CADPS2: variants seen among roughly 807,000 people sequenced by gnomAD.
The protein encoded by CADPS2 is calcium dependent secretion activator 2, also known as calcium-dependent secretion activator 2.
Under a neutral mutation model 172.5 loss-of-function variants are expected in CADPS2, and 93 were observed. The observed-to-expected ratio is 0.54, with a 90% confidence interval of 0.46 to 0.64. CADPS2 has a LOEUF of 0.64. Ranked by LOEUF, CADPS2 falls within the 30% of genes least tolerant of loss-of-function variation. The pLI, the probability that CADPS2 is intolerant of heterozygous loss-of-function variation, is 0.00. For missense variants in CADPS2, 1,420 were observed against 1,565.9 expected (o/e 0.91, Z 1.57); for synonymous variants, 546 against 555.2 (o/e 0.98, Z 0.23).
At chr7:122,414,169 T>C in intron 18 of CADPS2, 93 bp from the exon 19 acceptor site, 1 of 778,528 alleles carries the variant, frequency 1.3e-6, no homozygotes, top group Non-Finnish European at 1.9e-6. Flanking sequence ...ATAATAGTCC[T>C]ATATTTCAGT....
At chr7:122,711,619 T>C (rs1399984075) in intron 2 of CADPS2, among the ~76,000 whole-genome samples, 2 of 152,222 alleles carry the variant, frequency 1.3e-5, no homozygotes, top group East Asian at 3.9e-4. Flanking sequence ...CAAAGTGAGT[T>C]CTTTTTCCTA....
chr7:122,631,906 T>C (rs1490249145), intron 3 of CADPS2, among the ~76,000 whole-genome samples: 7 of 152,146 alleles, frequency 4.6e-5, no homozygotes, highest in Admixed American at 4.6e-4. Context: ...GTATATTCAA[T>C]GTTTAGCTTT....
chr7:122,792,056 A>G (rs78987519), intron 1 of CADPS2, among the ~76,000 whole-genome samples: 1,939 of 152,270 alleles, frequency 0.013, 25 homozygotes, highest in East Asian at 0.06. Context: ...TCAAAGGCAA[A>G]CTCAGTATTG....
chr7:122,423,003 C>A (rs1321327810), intron 17 of CADPS2, among the ~76,000 whole-genome samples: 2 of 151,996 alleles, frequency 1.3e-5, no homozygotes, highest in Non-Finnish European at 2.9e-5. Context: ...AACCATAAGT[C>A]CCTTTAGTCT....
chr7:122,598,827 T>C lies in CADPS2; in HGVS notation c.1223+16354A>G, dbSNP rs151068343. On this transcript the variant is annotated intron_variant, in intron 6 of 29. Coordinates refer to ENST00000449022, the MANE Select transcript of CADPS2 (RefSeq NM_017954.11). ...ACAGAACCAGATACTGAGGATACGA[T>C]GTTGAATAAGACCTGCCTTCTGTCT... Among the ~76,000 whole-genome samples the C allele has an allele frequency of 8.7e-4, 132 of 152,198 alleles. 1 individual carries two copies. The East Asian group carries it at 9.5e-3, about 11-fold the overall frequency.
intron 9 of CADPS2, among the ~76,000 whole-genome samples, chr7:122,505,149 T>C (rs2059517653): frequency 6.6e-6 from 1 of 152,106 alleles, no homozygotes; most frequent in Non-Finnish European, 1.5e-5. Context: ...TGTTAAAGAG[T>C]ACAGACTTGA....
At chr7:122,344,067 T>C (rs993266621) in intron 28 of CADPS2, among the ~76,000 whole-genome samples, 7 of 152,122 alleles carry the variant, frequency 4.6e-5, no homozygotes, top group African/African-American at 9.7e-5. Flanking sequence ...AAAGATAAAA[T>C]TCATTTTGAC....
chr7:122,440,111 A>G (rs1390935259), intron 16 of CADPS2: 1 of 152,190 alleles, frequency 6.6e-6, no homozygotes, highest in African/African-American at 2.4e-5. Flanking sequence ...GTAAGTAAAG[A>G]GAAATAAAAA....
chr7:122,457,064 A>T (rs2053872292), intron 14 of CADPS2, among the ~76,000 whole-genome samples: 2 of 152,210 alleles, frequency 1.3e-5, no homozygotes, highest in African/African-American at 2.4e-5. Flanking sequence ...AGGAGTAAAC[A>T]GCATTACTCA....
At chr7:122,560,966 C>T (rs1362931834) in intron 7 of CADPS2, among the ~76,000 whole-genome samples, 1 of 152,098 alleles carries the variant, frequency 6.6e-6, no homozygotes, top group Non-Finnish European at 1.5e-5. Context: ...GAAGATGGAT[C>T]AGATGATTTG....
At chr7:122,690,611 G>A (rs899423642) in intron 2 of CADPS2, among the ~76,000 whole-genome samples, 6 of 152,188 alleles carry the variant, frequency 3.9e-5, no homozygotes, top group African/African-American at 4.8e-5. Context: ...TCTCATCCTC[G>A]TAACTGGTTG....
intron 4 of CADPS2, among the ~76,000 whole-genome samples, chr7:122,627,219 T>C (rs940099677): frequency 1.3e-5 from 2 of 152,224 alleles, no homozygotes; most frequent in Admixed American, 6.5e-5. Flanking sequence ...TTCTATAAAA[T>C]TGACTTCATG....
chr7:122,455,810 G>A (rs1432906571), intron 14 of CADPS2, among the ~76,000 whole-genome samples: 3 of 152,044 alleles, frequency 2.0e-5, no homozygotes, highest in South Asian at 2.1e-4. Context: ...GGGTTCAAGC[G>A]ATTCTCCTGC....
At chr7:122,326,874 A>T (rs2033977499) in intron 28 of CADPS2, among the ~76,000 whole-genome samples, 1 of 152,028 alleles carries the variant, frequency 6.6e-6, no homozygotes, top group African/African-American at 2.4e-5. Flanking sequence ...ATTTCCATTA[A>T]TTTGTTAGTA....
At chr7:122,489,180 C>T (rs35500917) in intron 11 of CADPS2, among the ~76,000 whole-genome samples, 48,214 of 151,920 alleles carry the variant, frequency 0.32, 7,927 homozygotes, top group Admixed American at 0.37. Flanking sequence ...AAATAAAAAG[C>T]TCATGGTTCA....
At chr7:122,681,200 G>A in intron 2 of CADPS2, 1 of 635,206 alleles carries the variant, frequency 1.6e-6, no homozygotes, top group South Asian at 1.7e-5. Flanking sequence ...AGTGGGTGCA[G>A]TGCACCAGCA....
intron 9 of CADPS2, among the ~76,000 whole-genome samples, chr7:122,491,910 C>T (rs28416120): frequency 3.3e-5 from 5 of 152,136 alleles, no homozygotes; most frequent in Non-Finnish European, 5.9e-5. Context: ...AAAGATCTCA[C>T]GCCTGTAATC....
At chr7:122,325,009 T>TGC (rs150563342) in intron 29 of CADPS2, among the ~76,000 whole-genome samples, 2 of 152,222 alleles carry the variant, frequency 1.3e-5, no homozygotes, top group Non-Finnish European at 2.9e-5. Context: ...ATAAGAGGCA[T>TGC]GCTTCCAAAA....
chr7:122,778,703 C>A (rs2093957312), intron 1 of CADPS2, among the ~76,000 whole-genome samples: 1 of 152,218 alleles, frequency 6.6e-6, no homozygotes, highest in Non-Finnish European at 1.5e-5. Flanking sequence ...CAAGCCTTGG[C>A]AGCTTCTGTG....
Sources: allele counts gnomAD v4.1 joint callset (sites outside exome capture counted in the v4.1 genomes callset), GRCh38; gene constraint gnomAD v4.1.1; transcripts MANE v1.5; gene names NCBI Gene and HGNC (gene_info 2026-07-23, HGNC 2026-07-21).